Variants in ATP11A observed in about 807,000 individuals in gnomAD.
The protein encoded by ATP11A is ATPase phospholipid transporting 11A, also known as phospholipid-transporting ATPase IH.
In ATP11A, 81 loss-of-function variants were observed where a neutral mutation model predicts 154.4. That is an observed-to-expected ratio of 0.52 (90% CI 0.44 to 0.63). The LOEUF (loss-of-function observed/expected upper bound fraction) is 0.63, where lower values mean the gene tolerates loss of function less well. Among genes scored for constraint, ATP11A ranks in the 30% least tolerant of loss-of-function variants. ATP11A has a pLI of 0.00. For missense variants in ATP11A, 1,316 were observed against 1,474.3 expected (o/e 0.89, Z 1.76); for synonymous variants, 623 against 585.9 (o/e 1.06, Z -0.91).
rs553008087 is a variant in ATP11A at position 112,758,703 on chromosome 13, G to A, written c.40-26432G>A. The stretch of plus-strand genomic sequence containing the variant: ...CTCCCAAAGTGCTGGGATTACAGGC[G>A]TGAGCCACCGCTCCCAGCCTACATT... On this transcript the variant is annotated intron_variant, in intron 1 of 29. Transcript: ENST00000375645. Among the ~76,000 whole-genome samples the A allele has an allele frequency of 9.1e-4, 139 of 152,310 alleles. 1 individual carries two copies. Among genetic ancestry groups the A allele is most frequent in the Non-Finnish European group, 1.8e-3 (122 of 68,026 alleles).
chr13:112,782,846 G>A (rs539870802), intron 1 of ATP11A, among the ~76,000 whole-genome samples: 2 of 152,330 alleles, frequency 1.3e-5, no homozygotes, highest in African/African-American at 4.8e-5. Context: ...GGAAAACTGC[G>A]TCTGGCTCAT....
chr13:112,770,398 T>C lies in ATP11A; in HGVS notation c.40-14737T>C, dbSNP rs1268111389. ...AGCCTTGAAAATACCTGAGATTTGT[T>C]TGAGGAAGAAAAGAAAAAAGGAAGG... On this transcript the variant is annotated intron_variant, in intron 1 of 29. Coordinates refer to ENST00000375645, the MANE Select transcript of ATP11A (RefSeq NM_015205.3). Among the ~76,000 whole-genome samples the C allele has an allele frequency of 3.9e-5, 6 of 152,002 alleles. No homozygotes were observed. In the East Asian group the frequency reaches 9.7e-4, roughly 25 times the overall value.
At chr13:112,836,382 G>C (rs905559067) in intron 16 of ATP11A, 131 bp downstream of exon 16, 22 of 542,718 alleles carry the variant, frequency 4.1e-5, no homozygotes, top group Non-Finnish European at 6.9e-5. Flanking sequence ...AAAAACTATA[G>C]ACAAATCCTC....
At chr13:112,704,165 A>G (rs1170712088) in intron 1 of ATP11A, among the ~76,000 whole-genome samples, 2 of 152,218 alleles carry the variant, frequency 1.3e-5, no homozygotes, top group East Asian at 3.8e-4. Flanking sequence ...TGGGTTCCCA[A>G]GGCAAGCAGT....
intron 17 of ATP11A, among the ~76,000 whole-genome samples, chr13:112,850,758 T>C (rs540083139): frequency 1.3e-5 from 2 of 152,252 alleles, no homozygotes; most frequent in Non-Finnish European, 2.9e-5. Flanking sequence ...CTGTTACTTA[T>C]TTCCAGGCTT....
chr13:112,755,555 C>G (rs1002648487), intron 1 of ATP11A, among the ~76,000 whole-genome samples: 1 of 152,260 alleles, frequency 6.6e-6, no homozygotes, highest in Non-Finnish European at 1.5e-5. Context: ...TTAGCCAGAA[C>G]CATTTCCAGT....
chr13:112,833,334 A>G (rs1044573599), intron 14 of ATP11A, among the ~76,000 whole-genome samples: 1 of 152,200 alleles, frequency 6.6e-6, no homozygotes, highest in African/African-American at 2.4e-5. Flanking sequence ...ATACGGAAAC[A>G]ATCATTCTTT....
chr13:112,821,448 G>C (rs2078794994), intron 8 of ATP11A, among the ~76,000 whole-genome samples: 1 of 152,128 alleles, frequency 6.6e-6, no homozygotes, highest in African/African-American at 2.4e-5. Context: ...TGAGTAGCTA[G>C]GATTACAGGC....
rs138979798 is a variant in ATP11A, at chr13:112,768,110, A to G, written c.40-17025A>G. The stretch of plus-strand genomic sequence containing the variant: ...TCCAAGTGCCTGTTTGCTTCTGGGA[A>G]TTTCCTCTCTGCCTTCCTCCGACTT... On this transcript the variant is annotated intron_variant, in intron 1 of 29. Coordinates refer to ENST00000375645, the MANE Select transcript of ATP11A (RefSeq NM_015205.3). Among the ~76,000 whole-genome samples the G allele has an allele frequency of 2.7e-3, 415 of 152,256 alleles. 5 individuals carry two copies. Among genetic ancestry groups the G allele is most frequent in the East Asian group, 4.4e-3 (23 of 5,184 alleles).
intron 5 of ATP11A, among the ~76,000 whole-genome samples, chr13:112,814,475 G>A (rs1018135195): frequency 1.2e-4 from 19 of 152,014 alleles, no homozygotes; most frequent in African/African-American, 4.6e-4. Context: ...AAGTGTTATA[G>A]TTTCATGTTT....
chr13:112,774,784 G>A (rs577989340), intron 1 of ATP11A, among the ~76,000 whole-genome samples: 1 of 152,362 alleles, frequency 6.6e-6, no homozygotes, highest in East Asian at 1.9e-4. Flanking sequence ...GGTCAGGTCT[G>A]AATGAACGCT....
intron 1 of ATP11A, among the ~76,000 whole-genome samples, chr13:112,767,465 T>G (rs1353686621): frequency 3.9e-5 from 3 of 77,808 alleles, no homozygotes; most frequent in African/African-American, 5.8e-5. Flanking sequence ...GTGGGGAGGG[T>G]GTGGGAGTGC....
In ATP11A at chr13:112,754,130, G is replaced by A. The variant is rs1447063535; in HGVS notation, c.40-31005G>A. Among the ~76,000 whole-genome samples the A allele has an allele frequency of 2.0e-5, 3 of 152,324 alleles. No homozygotes were observed. Among genetic ancestry groups the A allele is most frequent in the South Asian group, 2.1e-4 (1 of 4,822 alleles). ...GCGCCTGGGGCCTTCATCCTGAGCC[G>A]CAGTTGGAGCCACGGTCCCTGCTGC... On this transcript the variant is annotated intron_variant, in intron 1 of 29. Coordinates refer to ENST00000375645, the MANE Select transcript of ATP11A (RefSeq NM_015205.3). This position sits in a 1 kb window ranked among gnomAD's most constrained non-coding sequence, Gnocchi z 5.3.
intron 18 of ATP11A, 74 bp downstream of exon 18, chr13:112,851,292 C>T: frequency 5.4e-6 from 8 of 1,492,458 alleles, no homozygotes; most frequent in Non-Finnish European, 6.4e-6. Flanking sequence ...CGTGTGAGGG[C>T]GAGTGGACGG....
At chr13:112,856,377 A>T in intron 20 of ATP11A, 1 of 197,582 alleles carries the variant, frequency 5.1e-6, no homozygotes, top group Non-Finnish European at 1.0e-5. Flanking sequence ...TATCTCAATC[A>T]CTCCTGAGAA....
chr13:112,726,124 G>A (rs1013303540), intron 1 of ATP11A, among the ~76,000 whole-genome samples: 10 of 152,380 alleles, frequency 6.6e-5, no homozygotes, highest in Admixed American at 5.9e-4. Flanking sequence ...TCACCAGGAG[G>A]TGTATGCCGG....
chr13:112,708,728 C>T (rs379185), intron 1 of ATP11A, among the ~76,000 whole-genome samples: 76,237 of 152,096 alleles, frequency 0.5, 19,913 homozygotes, highest in East Asian at 0.65. Flanking sequence ...GTGGGCCCCA[C>T]GTGGGCTGCG....
At chr13:112,829,386 T>G (rs901146957) in intron 12 of ATP11A, among the ~76,000 whole-genome samples, 5 of 152,256 alleles carry the variant, frequency 3.3e-5, no homozygotes, top group African/African-American at 1.2e-4. Flanking sequence ...ATACCCCACC[T>G]GTGGGATGCC....
chr13:112,837,924 A>T (rs2079284135), intron 16 of ATP11A, among the ~76,000 whole-genome samples: 1 of 151,980 alleles, frequency 6.6e-6, no homozygotes, highest in South Asian at 2.1e-4. Context: ...GGAGGGTGCC[A>T]TGGCTGCTCT....
Sources: allele counts gnomAD v4.1 joint callset (sites outside exome capture counted in the v4.1 genomes callset), GRCh38; gene constraint gnomAD v4.1.1; non-coding constraint Gnocchi (gnomAD v3.1); transcripts MANE v1.5; gene names NCBI Gene and HGNC (gene_info 2026-07-23, HGNC 2026-07-21).